The following KCNAB1 variants were observed in gnomAD, a reference collection of about 807,000 sequenced individuals.
KCNAB1 encodes the protein potassium voltage-gated channel subfamily A regulatory beta subunit 1, also known as voltage-gated potassium channel subunit beta-1.
In KCNAB1, 35 loss-of-function variants were observed where a neutral mutation model predicts 64.6. The ratio of observed to expected loss-of-function variants is 0.54; its 90% CI spans 0.41 to 0.72. The LOEUF (loss-of-function observed/expected upper bound fraction) is 0.72, where lower values mean the gene tolerates loss of function less well. Ranked by LOEUF, KCNAB1 falls within the 30% of genes least tolerant of loss-of-function variation. KCNAB1 has a pLI of 0.00. For synonymous variants in KCNAB1, 177 were observed against 183.8 expected (o/e 0.96, Z 0.30); for missense variants, 401 against 512.9 (o/e 0.78, Z 2.11).
chr3:156,531,521 C>T (rs770174316), intron 13 of KCNAB1, 24 bp downstream of exon 13: 47 of 1,537,228 alleles, frequency 3.1e-5, no homozygotes, highest in Admixed American at 5.0e-5. Flanking sequence ...CCCCTTCCAA[C>T]ATCAGGGAAT....
chr3:156,384,294 T>C (rs1712403587), intron 1 of KCNAB1, among the ~76,000 whole-genome samples: 2 of 152,176 alleles, frequency 1.3e-5, no homozygotes, highest in Admixed American at 1.3e-4. Context: ...AAGGAGAGTA[T>C]ATTCAACTTT....
In KCNAB1 at chr3:156,536,675, A is replaced by G; in HGVS notation, c.1188A>G (p.Thr396=). 1 of 1,611,986 alleles carries G rather than the reference A, an allele frequency of 6.2e-7. No homozygotes were observed. ...LGAIQVLPKM[T]SHVVNEIDNI... ...GCTCTCAGGTTCTCCCAAAGATGACATCACATGTGGTAAATGAGATTGATA... is the reference window on the plus strand; with the variant it reads ...GCTCTCAGGTTCTCCCAAAGATGACGTCACATGTGGTAAATGAGATTGATA... Residue 396 remains threonine, a synonymous_variant, in exon 14 of 14, where the codon ACA becomes ACG. Transcript: ENST00000490337.
chr3:156,387,294 C>T (rs1285136040), intron 1 of KCNAB1, among the ~76,000 whole-genome samples: 1 of 152,034 alleles, frequency 6.6e-6, no homozygotes, highest in African/African-American at 2.4e-5. Flanking sequence ...ATGTTGTGAT[C>T]TAACCTTAGG....
At chr3:156,528,216 T>C (rs1300505972) in intron 12 of KCNAB1, among the ~76,000 whole-genome samples, 2 of 151,774 alleles carry the variant, frequency 1.3e-5, no homozygotes, top group African/African-American at 4.8e-5. Flanking sequence ...TTGGTACTTT[T>C]ATACAGCACT....
chr3:156,430,991 A>G (rs1428879497), intron 2 of KCNAB1, among the ~76,000 whole-genome samples: 1 of 152,190 alleles, frequency 6.6e-6, no homozygotes, highest in Non-Finnish European at 1.5e-5. Flanking sequence ...TGACTTATGA[A>G]CGCTCCACAG....
chr3:156,494,061 G>A (rs945647184), intron 8 of KCNAB1, among the ~76,000 whole-genome samples: 2 of 152,120 alleles, frequency 1.3e-5, no homozygotes, highest in Non-Finnish European at 2.9e-5. Context: ...AGGATGATGC[G>A]TAATTTTAGC....
chr3:156,360,838 G>A (rs6786247), intron 1 of KCNAB1, among the ~76,000 whole-genome samples: 14,609 of 151,710 alleles, frequency 0.096, 793 homozygotes, highest in South Asian at 0.22. Flanking sequence ...CCTTCAAAAT[G>A]TATCCGAATT....
intron 1 of KCNAB1, among the ~76,000 whole-genome samples, chr3:156,177,567 C>T (rs1712478241): frequency 6.6e-6 from 1 of 152,054 alleles, no homozygotes; most frequent in South Asian, 2.1e-4. Context: ...TTAGTAGAGA[C>T]GGGGTTTCAC....
chr3:156,342,204 T>C (rs958849132), intron 1 of KCNAB1, among the ~76,000 whole-genome samples: 2 of 152,214 alleles, frequency 1.3e-5, no homozygotes, highest in Non-Finnish European at 2.9e-5. Flanking sequence ...GCATTTCTTT[T>C]TTCCTCTACG....
chr3:156,402,449 T>C (rs1019130886), intron 1 of KCNAB1, among the ~76,000 whole-genome samples: 1 of 152,200 alleles, frequency 6.6e-6, no homozygotes, highest in Non-Finnish European at 1.5e-5. Flanking sequence ...GTAATTATCA[T>C]CAAACTGCCC....
chr3:156,344,448 A>T (rs770956143), intron 1 of KCNAB1, among the ~76,000 whole-genome samples: 26 of 152,134 alleles, frequency 1.7e-4, no homozygotes, highest in Admixed American at 1.0e-3. Flanking sequence ...CCCTCTTAAC[A>T]TTCTTGCCAT....
intron 1 of KCNAB1, among the ~76,000 whole-genome samples, chr3:156,126,300 G>A (rs868299411): frequency 1.3e-5 from 2 of 152,096 alleles, no homozygotes; most frequent in Admixed American, 6.5e-5. Context: ...GAGAGCAGGC[G>A]TGGAGGAGAG....
At chr3:156,280,484 GT>G (rs1487075246) in intron 1 of KCNAB1, among the ~76,000 whole-genome samples, 1 of 148,072 alleles carries the variant, frequency 6.8e-6, no homozygotes, top group African/African-American at 2.5e-5. Flanking sequence ...CTTTAAAGTA[GT>G]TTTTTCCAAT....
intron 1 of KCNAB1, among the ~76,000 whole-genome samples, chr3:156,419,223 CG>C (rs1428251302): frequency 6.6e-6 from 1 of 152,158 alleles, no homozygotes; most frequent in African/African-American, 2.4e-5. Context: ...TCTGAACTAG[CG>C]GGGCACGGTG....
At chr3:156,511,056 G>A (rs543296247) in intron 8 of KCNAB1, among the ~76,000 whole-genome samples, 7 of 152,136 alleles carry the variant, frequency 4.6e-5, no homozygotes, top group South Asian at 2.1e-4. Flanking sequence ...GCTCACTGTC[G>A]TATTTATCCA....
chr3:156,267,567 A>G (rs1718791608), intron 1 of KCNAB1, among the ~76,000 whole-genome samples: 1 of 152,130 alleles, frequency 6.6e-6, no homozygotes, highest in Admixed American at 6.6e-5. Flanking sequence ...ATCACTTATT[A>G]CATAAATCCT....
intron 1 of KCNAB1, among the ~76,000 whole-genome samples, chr3:156,412,771 G>A (rs1472528679): frequency 6.6e-6 from 1 of 152,226 alleles, no homozygotes; most frequent in Non-Finnish European, 1.5e-5. Flanking sequence ...TGACCTAGTA[G>A]TGGCTGTGAA....
At chr3:156,204,677 C>T (rs1046466181) in intron 1 of KCNAB1, among the ~76,000 whole-genome samples, 7 of 152,018 alleles carry the variant, frequency 4.6e-5, no homozygotes, top group Non-Finnish European at 8.8e-5. Flanking sequence ...CTAAAAATAA[C>T]AAAACATTAA....
rs538741488 is a variant in KCNAB1, at chr3:156,137,276, T to C, written c.275+16390T>C. On this transcript the variant is annotated intron_variant, in intron 1 of 13. Transcript: ENST00000490337. ...GCAGGAGTATACAGTAGATAAGCAGTAGGGATAAGGAAAAGGAATCAGGTG... is the reference window on the plus strand; with the variant it reads ...GCAGGAGTATACAGTAGATAAGCAGCAGGGATAAGGAAAAGGAATCAGGTG... 2.0e-3 allele frequency among the ~76,000 whole-genome samples: 307 copies of C among 151,680 alleles called. 3 individuals carry two copies. The highest frequency in any genetic ancestry group is 4.0e-3 in the South Asian group (19 of 4,804).
Sources: gnomAD v4.1 joint callset for allele counts (sites outside exome capture counted in the v4.1 genomes callset) on GRCh38, gnomAD v4.1.1 for gene constraint, MANE v1.5 for transcripts, NCBI Gene and HGNC (gene_info 2026-07-23, HGNC 2026-07-21) for gene names.